Variants in SLC38A12 observed in about 807,000 individuals in gnomAD.
SLC38A12 encodes solute carrier family 38 member 12.
the SLC38A12 span, among the ~76,000 whole-genome samples, chr17:74,816,611 C>T: frequency 3.9e-5 from 6 of 152,182 alleles, no homozygotes; most frequent in Non-Finnish European, 8.8e-5. Context: ...CTCCTGGGTC[C>T]GTCCCGGACT....
the SLC38A12 span, chr17:74,835,855 C>A: frequency 6.6e-7 from 1 of 1,515,802 alleles, no homozygotes; most frequent in Non-Finnish European, 8.8e-7. Context: ...CGCAAAGGCG[C>A]CCCCCAGACC....
At chr17:74,804,726 A>G in the SLC38A12 span, among the ~76,000 whole-genome samples, 1 of 152,206 alleles carries the variant, frequency 6.6e-6, no homozygotes, top group Non-Finnish European at 1.5e-5. Context: ...GGATTGAGAC[A>G]TTTTCTGAAC....
the SLC38A12 span, chr17:74,836,596 A>G: frequency 2.5e-6 from 4 of 1,613,112 alleles, no homozygotes; most frequent in Admixed American, 3.3e-5. The surrounding 1 kb of genome is among the most constrained non-coding windows in gnomAD (Gnocchi z 4.2). Flanking sequence ...CCTTTCCGCC[A>G]CACCTTCTGG....
At chr17:74,792,334 C>A in the SLC38A12 span, among the ~76,000 whole-genome samples, 4 of 151,980 alleles carry the variant, frequency 2.6e-5, no homozygotes, top group Non-Finnish European at 4.4e-5. Flanking sequence ...ACCTGTGGTC[C>A]CAGCTACTCC....
the SLC38A12 span, among the ~76,000 whole-genome samples, chr17:74,804,312 C>T: frequency 2.0e-5 from 3 of 152,254 alleles, no homozygotes; most frequent in South Asian, 2.1e-4. Context: ...TCCCAGCCAG[C>T]GGTGCTGGCC....
chr17:74,799,837 G>A, the SLC38A12 span, among the ~76,000 whole-genome samples: 2 of 152,180 alleles, frequency 1.3e-5, no homozygotes, highest in Non-Finnish European at 2.9e-5. Context: ...TCCTAAAATA[G>A]TACCACTCAA....
At chr17:74,828,016 G>T in the SLC38A12 span, among the ~76,000 whole-genome samples, 2 of 152,198 alleles carry the variant, frequency 1.3e-5, no homozygotes, top group Middle Eastern at 3.2e-3. Flanking sequence ...CCTGTTCCCC[G>T]CCTGGAGTGC....
the SLC38A12 span, among the ~76,000 whole-genome samples, chr17:74,808,311 G>A: frequency 1.3e-5 from 2 of 152,250 alleles, no homozygotes; most frequent in African/African-American, 4.8e-5. Context: ...GGAACTGGGT[G>A]CTCTAAAGAG....
chr17:74,836,355 G>T, the SLC38A12 span: 1 of 1,612,738 alleles, frequency 6.2e-7, no homozygotes, highest in Non-Finnish European at 8.5e-7. This position sits in a 1 kb window ranked among gnomAD's most constrained non-coding sequence, Gnocchi z 4.2. Flanking sequence ...CTTCCACCGC[G>T]AGGGCGGCAC....
chr17:74,809,529 C>T, the SLC38A12 span, among the ~76,000 whole-genome samples: 4 of 152,304 alleles, frequency 2.6e-5, no homozygotes, highest in East Asian at 1.9e-4. Flanking sequence ...ATGCAGCCTG[C>T]GTCACAGCTG....
chr17:74,807,884 G>C, the SLC38A12 span, among the ~76,000 whole-genome samples: 1 of 152,238 alleles, frequency 6.6e-6, no homozygotes, highest in African/African-American at 2.4e-5. Context: ...GTCAAGGTCA[G>C]AACCCATGGT....
At chr17:74,797,965 T>G in the SLC38A12 span, among the ~76,000 whole-genome samples, 1 of 152,204 alleles carries the variant, frequency 6.6e-6, no homozygotes, top group Non-Finnish European at 1.5e-5. Flanking sequence ...TCATTCTGTT[T>G]CAGAAGATTG....
chr17:74,787,715 G>A, the SLC38A12 span, among the ~76,000 whole-genome samples: 1 of 151,836 alleles, frequency 6.6e-6, no homozygotes, highest in Non-Finnish European at 1.5e-5. Context: ...GGTTTTATTA[G>A]CAGGAAGGCA....
the SLC38A12 span, chr17:74,838,422 T>C: frequency 6.9e-6 from 7 of 1,009,092 alleles, no homozygotes; most frequent in Non-Finnish European, 7.1e-6. Flanking sequence ...CCAATTACGT[T>C]CCCTCTTGCT....
chr17:74,825,862 G>T, the SLC38A12 span, among the ~76,000 whole-genome samples: 1 of 152,192 alleles, frequency 6.6e-6, no homozygotes, highest in Non-Finnish European at 1.5e-5. Context: ...ATATACATCT[G>T]CAGGGCTGCC....
the SLC38A12 span, chr17:74,836,225 G>T: frequency 6.2e-7 from 1 of 1,611,542 alleles, no homozygotes. The surrounding 1 kb of genome is among the most constrained non-coding windows in gnomAD (Gnocchi z 4.2). Context: ...TCAACTTCGC[G>T]CGCTGTGACG....
chr17:74,798,466 A>G, the SLC38A12 span, among the ~76,000 whole-genome samples: 1 of 152,184 alleles, frequency 6.6e-6, no homozygotes, highest in Non-Finnish European at 1.5e-5. Context: ...GAAAATTCCA[A>G]CCCCACTCCT....
At chr17:74,835,627 A>G in the SLC38A12 span, among the ~76,000 whole-genome samples, 1 of 152,096 alleles carries the variant, frequency 6.6e-6, no homozygotes, top group Non-Finnish European at 1.5e-5. Flanking sequence ...CTCTAAGAAG[A>G]CAGAGTTGCT....
the SLC38A12 span, among the ~76,000 whole-genome samples, chr17:74,787,602 C>T: frequency 6.8e-6 from 1 of 146,494 alleles, no homozygotes; most frequent in Non-Finnish European, 1.5e-5. Flanking sequence ...GCAGTCCGGC[C>T]TGGGCGACAG....
Sources: allele counts gnomAD v4.1 joint callset (sites outside exome capture counted in the v4.1 genomes callset), GRCh38; gene constraint gnomAD v4.1.1; non-coding constraint Gnocchi (gnomAD v3.1); transcripts MANE v1.5; gene names NCBI Gene and HGNC (gene_info 2026-07-23, HGNC 2026-07-21).